Variants in CDH13 observed in about 807,000 individuals in gnomAD.
CDH13 encodes cadherin 13.
A neutral mutation model predicts 63.8 loss-of-function variants in CDH13; 24 were observed. That is an observed-to-expected ratio of 0.38 (90% CI 0.27 to 0.53). CDH13 has a LOEUF of 0.53. Among genes scored for constraint, CDH13 ranks in the 20% least tolerant of loss-of-function variants. The probability of loss-of-function intolerance (pLI) is 0.85; values close to 1 mark genes in which losing one functional copy is unlikely to be tolerated. For missense variants in CDH13, 1,049 were observed against 903.1 expected (o/e 1.16, Z -2.07); for synonymous variants, 503 against 355.3 (o/e 1.42, Z -4.67).
chr16:83,668,932 A>G (rs1914250429), intron 8 of CDH13, among the ~76,000 whole-genome samples: 1 of 152,204 alleles, frequency 6.6e-6, no homozygotes, highest in Non-Finnish European at 1.5e-5. Flanking sequence ...AGGCTCAGGC[A>G]GCTTCACCCA....
At chr16:83,100,043 A>G (rs2034399086) in intron 3 of CDH13, among the ~76,000 whole-genome samples, 1 of 152,094 alleles carries the variant, frequency 6.6e-6, no homozygotes, top group Non-Finnish European at 1.5e-5. Flanking sequence ...TAGCATCTCG[A>G]TGGGTTTCAT....
rs2088759037 is a variant in CDH13, at chr16:83,270,183, G to C, written c.636+52686G>C. On this transcript the variant is annotated intron_variant, in intron 5 of 13. Transcript: ENST00000567109. ...GCAGGGCAATAATCTATTGAAATAA[G>C]CCCAAAAAGGGGGCAGCTTGTAATT... 2.0e-5 allele frequency among the ~76,000 whole-genome samples: 3 copies of C among 152,220 alleles called. No individual in the cohort carries two copies. The South Asian group carries it at 6.2e-4, about 32-fold the overall frequency.
intron 3 of CDH13, among the ~76,000 whole-genome samples, chr16:83,087,987 G>A (rs2033697620): frequency 6.6e-6 from 1 of 152,186 alleles, no homozygotes; most frequent in African/African-American, 2.4e-5. Context: ...CCGTCAGTGT[G>A]CAGCCTTCAG....
chr16:83,448,705 A>G (rs1194220822), intron 6 of CDH13, among the ~76,000 whole-genome samples: 4 of 152,186 alleles, frequency 2.6e-5, no homozygotes, highest in Non-Finnish European at 5.9e-5. Context: ...GAGTAAGAGG[A>G]TGCATTCATT....
chr16:83,227,402 G>C (rs1300008185), intron 5 of CDH13, among the ~76,000 whole-genome samples: 1 of 152,134 alleles, frequency 6.6e-6, no homozygotes, highest in Non-Finnish European at 1.5e-5. Flanking sequence ...AGCCAGCCTT[G>C]GGCCTCCCAG....
intron 5 of CDH13, among the ~76,000 whole-genome samples, chr16:83,303,393 C>T (rs926804897): frequency 2.6e-5 from 4 of 152,100 alleles, no homozygotes; most frequent in African/African-American, 7.2e-5. Flanking sequence ...ATGTGTCTGT[C>T]AATTTGAAGG....
intron 10 of CDH13, among the ~76,000 whole-genome samples, chr16:83,684,421 C>T (rs372971090): frequency 2.0e-5 from 3 of 152,188 alleles, no homozygotes; most frequent in East Asian, 1.9e-4. Context: ...ATGGAAGTAA[C>T]TACATTTGCT....
intron 1 of CDH13, among the ~76,000 whole-genome samples, chr16:82,797,648 GA>G (rs1021166222): frequency 3.3e-5 from 5 of 151,322 alleles, no homozygotes; most frequent in Admixed American, 6.6e-5. Context: ...ACCTGTTTAG[GA>G]AAAAAAAATT....
chr16:82,658,765 T>C (rs1864945966), intron 1 of CDH13, among the ~76,000 whole-genome samples: 1 of 152,228 alleles, frequency 6.6e-6, no homozygotes, highest in Non-Finnish European at 1.5e-5. Context: ...CAGTGTCTTG[T>C]TTCTCTCTGT....
intron 2 of CDH13, among the ~76,000 whole-genome samples, chr16:82,961,881 A>G (rs1167007526): frequency 1.3e-5 from 2 of 152,172 alleles, no homozygotes; most frequent in Non-Finnish European, 2.9e-5. Context: ...GATGCTTTTT[A>G]ACCTCCTACA....
At chr16:83,083,491 G>A (rs1255101939) in intron 3 of CDH13, among the ~76,000 whole-genome samples, 5 of 152,218 alleles carry the variant, frequency 3.3e-5, no homozygotes, top group African/African-American at 7.2e-5. Flanking sequence ...TATGGAAATT[G>A]AGATTTGGAG....
At chr16:83,305,244 T>C (rs181562515) in intron 5 of CDH13, among the ~76,000 whole-genome samples, 8 of 152,310 alleles carry the variant, frequency 5.3e-5, no homozygotes. Context: ...CTGCTGTTGA[T>C]GACTTCACTT....
At chr16:82,770,908 A>G (rs1409307528) in intron 1 of CDH13, among the ~76,000 whole-genome samples, 3 of 152,124 alleles carry the variant, frequency 2.0e-5, no homozygotes, top group Non-Finnish European at 2.9e-5. Flanking sequence ...GGGTTTCACC[A>G]CATTGCCCAG....
chr16:82,649,080 ATATAGT>A (rs1910434184), intron 1 of CDH13, among the ~76,000 whole-genome samples: 1 of 121,738 alleles, frequency 8.2e-6, no homozygotes, highest in Non-Finnish European at 1.7e-5. Flanking sequence ...ACTAATATAA[ATATAGT>A]TAGAGAGTGA....
At chr16:83,456,417 A>C (rs2073026798) in intron 6 of CDH13, among the ~76,000 whole-genome samples, 1 of 152,154 alleles carries the variant, frequency 6.6e-6, no homozygotes, top group South Asian at 2.1e-4. Context: ...ACTGGTGAGA[A>C]AGTTACCTGA....
At chr16:83,143,675 G>T (rs962634892) in intron 4 of CDH13, among the ~76,000 whole-genome samples, 1 of 152,170 alleles carries the variant, frequency 6.6e-6, no homozygotes, top group African/African-American at 2.4e-5. Flanking sequence ...GGACAAGAAT[G>T]AGTGCAGGGA....
intron 5 of CDH13, among the ~76,000 whole-genome samples, chr16:83,247,756 C>G (rs868418164): frequency 3.9e-5 from 6 of 152,206 alleles, no homozygotes; most frequent in Admixed American, 1.3e-4. Context: ...AATTATAAAT[C>G]CTTTCAGTGG....
chr16:83,714,096 G>A (rs907894421), intron 10 of CDH13, among the ~76,000 whole-genome samples: 1 of 152,142 alleles, frequency 6.6e-6, no homozygotes, highest in South Asian at 2.1e-4. Context: ...TGGAGGGGGG[G>A]CTGCCCTACG....
intron 3 of CDH13, among the ~76,000 whole-genome samples, chr16:83,043,487 ATGAGTGTGTG>A (rs144497731): frequency 0.071 from 9,474 of 133,318 alleles, 383 homozygotes; most frequent in South Asian, 0.095. Flanking sequence ...AACTGTATAT[ATGAGTGTGTG>A]TGTGTGTGTG....
Sources: gnomAD v4.1 joint callset for allele counts (sites outside exome capture counted in the v4.1 genomes callset) on GRCh38, gnomAD v4.1.1 for gene constraint, MANE v1.5 for transcripts, NCBI Gene and HGNC (gene_info 2026-07-23, HGNC 2026-07-21) for gene names.